DNAAF9: variants seen among roughly 807,000 people sequenced by gnomAD.
DNAAF9 encodes the protein dynein axonemal assembly factor 9.
A neutral mutation model predicts 167.0 loss-of-function variants in DNAAF9; 90 were observed. The ratio of observed to expected loss-of-function variants is 0.54; its 90% confidence interval spans 0.45 to 0.64. The LOEUF is 0.64. DNAAF9 is among the 30% of genes least tolerant of loss of function. DNAAF9 has a pLI of 0.00. For missense variants in DNAAF9, 1,315 were observed against 1,442.2 expected, an observed-to-expected ratio of 0.91 and a Z score of 1.43; for synonymous variants, 491 against 508.8, an observed-to-expected ratio of 0.96 and a Z score of 0.47.
At position 3,301,219 on chromosome 20, in the gene DNAAF9, C is replaced by G. The variant is rs2069182913; in HGVS notation, c.1783-3044G>C. On this transcript the variant is annotated intron_variant, in intron 21 of 36. Coordinates refer to ENST00000252032, the MANE Select transcript of DNAAF9 (RefSeq NM_001009984.3). Reference sequence around the variant, plus strand: ...TTTCTTTTTTTGAGATGGAGTTTCACCCTTGGTACCTAGGCTGGAGTGCAA... The same window carrying G: ...TTTCTTTTTTTGAGATGGAGTTTCAGCCTTGGTACCTAGGCTGGAGTGCAA... Among the ~76,000 whole-genome samples, 2 of 149,348 alleles carry G rather than the reference C, an allele frequency of 1.3e-5. 1 individual carries two copies. The highest frequency in any genetic ancestry group is 4.3e-4 in the South Asian group (2 of 4,678).
At chr20:3,285,407 G>A (rs866266418) in intron 27 of DNAAF9, among the ~76,000 whole-genome samples, 16 of 152,074 alleles carry the variant, frequency 1.1e-4, no homozygotes, top group Admixed American at 4.6e-4. Flanking sequence ...AACTGGGCGC[G>A]GTGGCTCACA....
Position 3,315,011 on chromosome 20 carries a change from CAT to C in DNAAF9, c.1678+20_1678+21del. ...TGAGGGACCCAGACATGGCCAAAAA[CAT>C]TAAAGTCATAGCTCCTTACCTTCCT... On this transcript the variant is annotated intron_variant, in intron 20 of 36. Coordinates refer to ENST00000252032, the MANE Select transcript of DNAAF9 (RefSeq NM_001009984.3). This position sits in a 1 kb window ranked among gnomAD's most constrained non-coding sequence, Gnocchi z 4.1. The C allele has an allele frequency of 6.8e-7, 1 of 1,479,394 alleles. No homozygotes were observed. Among genetic ancestry groups the C allele is most frequent in the East Asian group, 2.3e-5 (1 of 44,182 alleles). 91.6% of individuals were successfully genotyped at this position (1,479,394 alleles called of 1,614,324 possible). A position where few individuals can be genotyped will look rare whatever the true frequency, so the allele number is the denominator to read the frequency against.
chr20:3,265,861 A>G (rs2068482250), intron 30 of DNAAF9, among the ~76,000 whole-genome samples: 1 of 149,796 alleles, frequency 6.7e-6, no homozygotes, highest in African/African-American at 2.5e-5. Flanking sequence ...TATTTTTTAA[A>G]TAGAGACAGG....
chr20:3,339,543 T>C (rs1443198576), intron 10 of DNAAF9, among the ~76,000 whole-genome samples: 1 of 152,200 alleles, frequency 6.6e-6, no homozygotes, highest in Non-Finnish European at 1.5e-5. Context: ...TTGGGTTCCC[T>C]GTGAACTCCA....
intron 20 of DNAAF9, among the ~76,000 whole-genome samples, chr20:3,309,531 A>G (rs2069364172): frequency 6.6e-6 from 1 of 152,194 alleles, no homozygotes; most frequent in Admixed American, 6.5e-5. Flanking sequence ...ATGCACACAT[A>G]AAGAGACTTG....
chr20:3,253,304 G>A (rs1344237002), intron 36 of DNAAF9, among the ~76,000 whole-genome samples: 2 of 152,174 alleles, frequency 1.3e-5, no homozygotes, highest in South Asian at 2.1e-4. Flanking sequence ...AGCCGGGCAC[G>A]GCGGCAGGCG....
chr20:3,369,032 G>A (rs1365271245), intron 6 of DNAAF9, among the ~76,000 whole-genome samples: 1 of 152,012 alleles, frequency 6.6e-6, no homozygotes, highest in East Asian at 2.0e-4. Flanking sequence ...GGGAGGTTGT[G>A]GCAGGAGAAT....
At chr20:3,387,599 G>A (rs1240800176) in intron 1 of DNAAF9, among the ~76,000 whole-genome samples, 1 of 152,028 alleles carries the variant, frequency 6.6e-6, no homozygotes, top group Non-Finnish European at 1.5e-5. Context: ...TCTTGAAAAT[G>A]TCACCAAAAG....
At chr20:3,369,687 T>C (rs2083483328) in intron 6 of DNAAF9, among the ~76,000 whole-genome samples, 1 of 152,204 alleles carries the variant, frequency 6.6e-6, no homozygotes, top group East Asian at 1.9e-4. Flanking sequence ...TAAAGTTAAC[T>C]TTAAAGGTTA....
chr20:3,321,761 C>T (rs531995612), intron 16 of DNAAF9, among the ~76,000 whole-genome samples: 8 of 152,120 alleles, frequency 5.3e-5, no homozygotes, highest in East Asian at 1.9e-4. Context: ...TTTTTAGACA[C>T]GGGGTCTCAC....
intron 21 of DNAAF9, among the ~76,000 whole-genome samples, chr20:3,303,825 C>A (rs1325183215): frequency 6.6e-6 from 1 of 152,252 alleles, no homozygotes; most frequent in Non-Finnish European, 1.5e-5. Flanking sequence ...AAACCCATAG[C>A]TACCATCTTC....
In DNAAF9 at chr20:3,304,465, A is replaced by G; in HGVS notation, c.1757T>C (p.Met586Thr). The stretch of plus-strand genomic sequence containing the variant: ...CCCATCATAGAAGGAAATGGAATTC[A>G]TGTGATCCTTGGAAATGATGATACT... ...HRSIIISKDH[M>T]NSISFYDGDS... The change falls in exon 21 of 37, where the codon ATG (methionine) becomes ACG (threonine). Residue 586 changes from methionine to threonine, a missense_variant. Coordinates refer to ENST00000252032, the MANE Select transcript of DNAAF9 (RefSeq NM_001009984.3). The G allele has an allele frequency of 6.6e-7, 1 of 1,504,304 alleles. No homozygotes were observed. Among genetic ancestry groups the G allele is most frequent in the Admixed American group, 1.7e-5 (1 of 59,748 alleles). 93.2% of individuals were successfully genotyped at this position (1,504,304 alleles called of 1,614,324 possible).
intron 33 of DNAAF9, among the ~76,000 whole-genome samples, chr20:3,256,829 C>G (rs184747349): frequency 1.3e-5 from 2 of 152,262 alleles, no homozygotes; most frequent in African/African-American, 4.8e-5. Flanking sequence ...GGGCTCTCAG[C>G]AGAGGCCTCA....
rs143221605 is a variant in DNAAF9 at position 3,289,057 on chromosome 20, G to T, written c.2327+1072C>A. On this transcript the variant is annotated intron_variant, in intron 26 of 36. Transcript: ENST00000252032. ...TCCCAGACCATCCAATTTAAAATTG[G>T]AATCTAAGCTGGGTGCACAGTAGCG... Among the ~76,000 whole-genome samples the T allele has an allele frequency of 3.3e-5, 5 of 152,212 alleles. No homozygotes were observed. In the East Asian group the frequency reaches 9.6e-4, roughly 29 times the overall value.
intron 9 of DNAAF9, among the ~76,000 whole-genome samples, chr20:3,341,927 G>A (rs1307146622): frequency 3.3e-5 from 5 of 152,020 alleles, no homozygotes; most frequent in Admixed American, 6.6e-5. Flanking sequence ...GCAGGCACCC[G>A]CCACCACGCC....
intron 1 of DNAAF9, among the ~76,000 whole-genome samples, chr20:3,398,698 G>T (rs975408523): frequency 6.6e-6 from 1 of 152,204 alleles, no homozygotes; most frequent in Non-Finnish European, 1.5e-5. Context: ...AACAGCAGAA[G>T]TAATAAAAGC....
intron 21 of DNAAF9, among the ~76,000 whole-genome samples, chr20:3,303,145 C>T (rs992851296): frequency 3.3e-5 from 5 of 151,424 alleles, no homozygotes; most frequent in East Asian, 3.9e-4. Context: ...AGGAGGCTGA[C>T]GCGGGAGAAT....
At chr20:3,314,762 T>A (rs2069474275) in intron 20 of DNAAF9, among the ~76,000 whole-genome samples, 1 of 152,174 alleles carries the variant, frequency 6.6e-6, no homozygotes, top group Non-Finnish European at 1.5e-5. Flanking sequence ...CAAATTCTAT[T>A]TCTGGAAATG....
At chr20:3,367,797 A>T (rs1433271457) in intron 6 of DNAAF9, among the ~76,000 whole-genome samples, 1 of 152,158 alleles carries the variant, frequency 6.6e-6, no homozygotes, top group Admixed American at 6.5e-5. Flanking sequence ...AAAAAGCTTG[A>T]AATATTATGA....
Sources: gnomAD v4.1 joint callset for allele counts (sites outside exome capture counted in the v4.1 genomes callset) on GRCh38, gnomAD v4.1.1 for gene constraint, Gnocchi (gnomAD v3.1) non-coding constraint, MANE v1.5 for transcripts, NCBI Gene and HGNC (gene_info 2026-07-23, HGNC 2026-07-21) for gene names.